ANKHD1: variants seen among roughly 807,000 people sequenced by gnomAD.
ANKHD1 encodes ankyrin repeat and KH domain-containing protein 1.
In ANKHD1, 31 loss-of-function variants were observed where a neutral mutation model predicts 230.5. The observed-to-expected ratio is 0.13, with a 90% CI of 0.10 to 0.18. The LOEUF (loss-of-function observed/expected upper bound fraction) is 0.18, where lower values mean the gene tolerates loss of function less well. Among genes scored for constraint, ANKHD1 ranks in the 10% least tolerant of loss-of-function variants. The pLI is 1.00. For missense variants in ANKHD1, 2,256 were observed against 3,071.3 expected, an observed-to-expected ratio of 0.73 and a Z score of 6.27; for synonymous variants, 1,074 against 1,117.6, an observed-to-expected ratio of 0.96 and a Z score of 0.78.
Position 140,524,091 on chromosome 5 carries a change from C to T in ANKHD1, c.4343C>T (p.Ala1448Val). ...EKSREESRKQ[A>V]LAAKREKRKE... The stretch of plus-strand genomic sequence containing the variant: ...TCAAGAGAAGAGAGCAGAAAGCAGG[C>T]TCTTGCTGCTAAAAGAGAAAAAAGA... Residue 1448 changes from alanine to valine, a missense_variant, in exon 25 of 34, where the codon GCT becomes GTT. Transcript: ENST00000360839. 6.3e-7 allele frequency: 1 copy of T among 1,587,832 alleles called. No individual in the cohort carries two copies. Among genetic ancestry groups the T allele is most frequent in the Non-Finnish European group, 8.5e-7 (1 of 1,173,502 alleles).
At chr5:140,415,921 AT>A (rs1771339347) in intron 1 of ANKHD1, among the ~76,000 whole-genome samples, 1 of 151,950 alleles carries the variant, frequency 6.6e-6, no homozygotes, top group Non-Finnish European at 1.5e-5. Context: ...ATATTTCCTA[AT>A]GCTATCCCTT....
chr5:140,526,431 A>C lies in ANKHD1; in HGVS notation c.4928A>C (p.Lys1643Thr), dbSNP rs548555445. 41 of 1,607,100 alleles carry C rather than the reference A, an allele frequency of 2.6e-5. 1 individual carries two copies. The Admixed American group carries it at 6.2e-4, about 24-fold the overall frequency. The change falls in exon 26 of 34, where the codon AAA becomes ACA. Residue 1643 changes from lysine (K) to threonine (T), a missense_variant. Lys to Thr is a moderately conservative substitution (Grantham distance 78, BLOSUM62 -1). This residue lies in a region of ANKHD1 where 212 missense variants were observed against 257.3 expected (regional missense o/e 0.82). Coordinates refer to ENST00000360839, the MANE Select transcript of ANKHD1 (RefSeq NM_017747.3). Reference protein sequence around the residue: ...QEEKTSTATSKTQTRLEGEVT... With the variant: ...QEEKTSTATSTTQTRLEGEVT... ...GAAAAGACAAGTACTGCTACTTCCA[A>C]AACTCAGACACGGTAAATTTTTCTG...
At chr5:140,529,888 A>G in intron 29 of ANKHD1, 92 bp downstream of exon 29, 1 of 1,515,178 alleles carries the variant, frequency 6.6e-7, no homozygotes, top group South Asian at 1.3e-5. Context: ...GAGGTAAATC[A>G]GTCACATATA....
intron 9 of ANKHD1, among the ~76,000 whole-genome samples, chr5:140,460,798 G>C (rs1386295167): frequency 6.6e-6 from 1 of 152,212 alleles, no homozygotes; most frequent in Non-Finnish European, 1.5e-5. Context: ...TGGGATTACA[G>C]ATGTGAACTA....
Position 140,526,763 on chromosome 5 carries a change from T to C in ANKHD1, c.4941-165T>C, listed in dbSNP as rs1753624629. The stretch of plus-strand genomic sequence containing the variant: ...GAATCCATTTTAATACTAAAATAAA[T>C]GATGGGTTCTTTGCTCTATTTCTGT... On this transcript the variant is annotated intron_variant, in intron 26 of 33. Coordinates refer to ENST00000360839, the MANE Select transcript of ANKHD1 (RefSeq NM_017747.3). Among the ~76,000 whole-genome samples, 3 of 152,242 alleles carry C rather than the reference T, an allele frequency of 2.0e-5. No individual in the cohort carries two copies. The South Asian group carries it at 6.2e-4, about 31-fold the overall frequency.
chr5:140,468,123 G>A (rs1776240542), intron 10 of ANKHD1, among the ~76,000 whole-genome samples: 1 of 117,780 alleles, frequency 8.5e-6, no homozygotes, highest in African/African-American at 3.3e-5. Context: ...TACCCAGGGT[G>A]GAATGCAGTG....
intron 7 of ANKHD1, among the ~76,000 whole-genome samples, chr5:140,458,304 A>G (rs1448628408): frequency 1.3e-5 from 2 of 152,146 alleles, no homozygotes; most frequent in African/African-American, 4.8e-5. Context: ...TATAGATTTC[A>G]CAGTTTTTTG....
chr5:140,432,624 A>G (rs1429893294), intron 1 of ANKHD1, among the ~76,000 whole-genome samples: 1 of 152,224 alleles, frequency 6.6e-6, no homozygotes, highest in Non-Finnish European at 1.5e-5. Context: ...TGATAATTCT[A>G]TGTTTAACTT....
At chr5:140,523,940 G>C in intron 24 of ANKHD1, 126 bp from the exon 25 acceptor site, 1 of 1,226,064 alleles carries the variant, frequency 8.2e-7, no homozygotes. Context: ...TTTTCTTGTT[G>C]GCATTTATAA....
chr5:140,417,725 A>T (rs1298739358), intron 1 of ANKHD1, among the ~76,000 whole-genome samples: 3 of 151,780 alleles, frequency 2.0e-5, no homozygotes, highest in Admixed American at 1.3e-4. Flanking sequence ...GAGTGCTGGG[A>T]TTACAGGCAT....
At chr5:140,464,836 C>A (rs1351240696) in intron 10 of ANKHD1, 60 bp downstream of exon 10, 1 of 1,466,990 alleles carries the variant, frequency 6.8e-7, no homozygotes, top group Non-Finnish European at 9.2e-7. Flanking sequence ...TTATACTTAA[C>A]ATTTAGAAAA....
rs146337590 is a variant in ANKHD1, at chr5:140,496,229, CT to C, written c.2246-290del. Among the ~76,000 whole-genome samples, 1,073 of 152,170 alleles carry C rather than the reference CT, an allele frequency of 7.1e-3. 10 individuals carry two copies. Among genetic ancestry groups the C allele is most frequent in the African/African-American group, 0.024 (1,016 of 41,508 alleles). On this transcript the variant is annotated intron_variant, in intron 14 of 33. Coordinates refer to ENST00000360839, the MANE Select transcript of ANKHD1 (RefSeq NM_017747.3). ...CTCTTGGTTTTCCTTTTCCCCGCCC[CT>C]GACTTAATTTCCAAAATCCTCCTAT...
Position 140,419,774 on chromosome 5 carries a change from T to TTTTCTTTC in ANKHD1, c.307-16274_307-16267dup, listed in dbSNP as rs199550424. Among the ~76,000 whole-genome samples the TTTTCTTTC allele has an allele frequency of 3.8e-3, 334 of 86,916 alleles. 3 individuals are homozygous for TTTTCTTTC. Among genetic ancestry groups the TTTTCTTTC allele is most frequent in the East Asian group, 9.3e-3 (20 of 2,162 alleles). 57.0% of individuals were successfully genotyped at this position (86,916 alleles called of 152,430 possible). A position where few individuals can be genotyped will look rare whatever the true frequency, so the allele number is the denominator to read the frequency against. ...TTCTTTTCTCTTCTCTTTCCTTTCT[T>TTTTCTTTC]TTTCTTTCTTTCTTTCTTTCTTTCT... is the stretch of plus-strand genomic sequence containing the variant. On this transcript the variant is annotated intron_variant, in intron 1 of 33. Coordinates refer to ENST00000360839, the MANE Select transcript of ANKHD1 (RefSeq NM_017747.3).
At position 140,526,205 on chromosome 5, in the gene ANKHD1, T is replaced by G. The variant is rs756169873; in HGVS notation, c.4702T>G (p.Leu1568Val). Reference sequence around the variant, plus strand: ...AATTTTACCAGAACAACATATGTCTTTAGCCCAACAAAAGGCAGATAAAAA... The same window carrying G: ...AATTTTACCAGAACAACATATGTCTGTAGCCCAACAAAAGGCAGATAAAAA... ...HLILPEQHMS[L>V]AQQKADKNKI... Residue 1568 changes from leucine to valine, a missense_variant, in exon 26 of 34, where the codon TTA (leucine) becomes GTA (valine). By Grantham distance (32) the Leu-to-Val change is conservative. Transcript: ENST00000360839. 24 of 1,614,198 alleles carry G rather than the reference T, an allele frequency of 1.5e-5. No homozygotes were observed. The South Asian group carries it at 2.3e-4, about 16-fold the overall frequency.
intron 5 of ANKHD1, among the ~76,000 whole-genome samples, chr5:140,444,658 CA>C (rs148509743): frequency 6.6e-6 from 1 of 152,076 alleles, no homozygotes; most frequent in Non-Finnish European, 1.5e-5. Flanking sequence ...AAAAAACAAA[CA>C]AAAAATCCCA....
In ANKHD1 at chr5:140,486,974, C is replaced by A; in HGVS notation, c.2159C>A (p.Thr720Lys). The A allele has an allele frequency of 6.2e-7, 1 of 1,612,820 alleles. No individual in the cohort carries two copies. Among genetic ancestry groups the A allele is most frequent in the Non-Finnish European group, 8.5e-7 (1 of 1,179,158 alleles). Residue 720 changes from threonine (T) to lysine (K), a missense_variant, in exon 14 of 34, where the codon ACG becomes AAG. This residue lies in a region of ANKHD1 where 358 missense variants were observed against 397.7 expected (regional missense o/e 0.90). Coordinates refer to ENST00000360839, the MANE Select transcript of ANKHD1 (RefSeq NM_017747.3). ...QDQSQVPRVP[T>K]HTLAMVVPPQ... Reference sequence around the variant, plus strand: ...ACTTTTTAGGTGCCACGTGTGCCAACGCATACACTTGCCATGGTTGTACCT... The same window carrying A: ...ACTTTTTAGGTGCCACGTGTGCCAAAGCATACACTTGCCATGGTTGTACCT...
intron 1 of ANKHD1, among the ~76,000 whole-genome samples, chr5:140,410,931 TTA>T (rs925271756): frequency 1.3e-4 from 20 of 152,168 alleles, no homozygotes; most frequent in Admixed American, 9.8e-4. Context: ...GGTTAAAATG[TTA>T]TATGGCTAGT....
chr5:140,522,654 G>A (rs1753403641), intron 24 of ANKHD1, among the ~76,000 whole-genome samples: 1 of 152,100 alleles, frequency 6.6e-6, no homozygotes, highest in Non-Finnish European at 1.5e-5. Context: ...GTATGAAAAT[G>A]TTTTTATTTC....
chr5:140,499,783 A>G (rs374724264), intron 15 of ANKHD1, among the ~76,000 whole-genome samples: 2 of 152,178 alleles, frequency 1.3e-5, no homozygotes, highest in Admixed American at 6.6e-5. Context: ...TCAAAGTTCA[A>G]ATGTCTAGGA....
Sources: allele counts gnomAD v4.1 joint callset (sites outside exome capture counted in the v4.1 genomes callset), GRCh38; gene constraint gnomAD v4.1.1; regional missense constraint gnomAD v4.1.1; transcripts MANE v1.5; gene names NCBI Gene and HGNC (gene_info 2026-07-23, HGNC 2026-07-21).